Variants in GSE1 observed in about 807,000 individuals in gnomAD.
GSE1 encodes genetic suppressor element 1.
In GSE1, 32 loss-of-function variants were observed where a neutral mutation model predicts 112.6. The ratio of observed to expected loss-of-function variants is 0.28; its 90% CI spans 0.21 to 0.38. The LOEUF (loss-of-function observed/expected upper bound fraction) is 0.38, where lower values mean the gene tolerates loss of function less well. GSE1 is among the 10% of genes least tolerant of loss of function. The probability of loss-of-function intolerance (pLI) is 1.00; values close to 1 mark genes in which losing one functional copy is unlikely to be tolerated. For synonymous variants in GSE1, 1,115 were observed against 735.6 expected, an observed-to-expected ratio of 1.52 and a Z score of -8.35; for missense variants, 2,348 against 1,699.2, an observed-to-expected ratio of 1.38 and a Z score of -6.71.
chr16:85,423,867 C>T (rs1053402364), intron 2 of GSE1, among the ~76,000 whole-genome samples: 9 of 152,242 alleles, frequency 5.9e-5, no homozygotes, highest in Non-Finnish European at 1.2e-4. Context: ...GCCCCAGCCT[C>T]GTGGGACATC....
rs879400376 is a variant in GSE1 at position 85,655,131 on chromosome 16, C to T, written c.797+140C>T. ...CTAGAGTAGCCCCTGAAATCGTCCC[C>T]AGCTTTGAGCCTAAATTCAGCCCTG... On this transcript the variant is annotated intron_variant, in intron 5 of 15. Coordinates refer to ENST00000253458, the MANE Select transcript of GSE1 (RefSeq NM_014615.5). The T allele has an allele frequency of 2.9e-4, 190 of 658,106 alleles. 2 individuals carry two copies. In the Admixed American group the frequency reaches 4.2e-3, roughly 14 times the overall value. 40.8% of individuals were successfully genotyped at this position (658,106 alleles called of 1,614,324 possible). A position where few individuals can be genotyped will look rare whatever the true frequency, so the allele number is the denominator to read the frequency against.
chr16:85,288,875 T>A (rs1411318750), intron 1 of GSE1, among the ~76,000 whole-genome samples: 1 of 152,136 alleles, frequency 6.6e-6, no homozygotes, highest in Non-Finnish European at 1.5e-5. Flanking sequence ...TTCAGTCCCC[T>A]CTTTGCCAAC....
intron 2 of GSE1, among the ~76,000 whole-genome samples, chr16:85,402,291 G>C (rs920729923): frequency 6.6e-6 from 1 of 152,228 alleles, no homozygotes; most frequent in Non-Finnish European, 1.5e-5. Flanking sequence ...AACCCAAGAC[G>C]CTGAGAAGCT....
intron 2 of GSE1, among the ~76,000 whole-genome samples, chr16:85,502,591 C>T (rs2051406488): frequency 6.6e-6 from 1 of 152,240 alleles, no homozygotes; most frequent in Admixed American, 6.5e-5. Flanking sequence ...AGTTCTTGGT[C>T]TGTGTCTGCC....
intron 2 of GSE1, among the ~76,000 whole-genome samples, chr16:85,549,404 C>G (rs952453327): frequency 4.6e-5 from 7 of 152,154 alleles, no homozygotes; most frequent in Admixed American, 3.9e-4. Flanking sequence ...CTTGGAACTC[C>G]TGGGCTCAAG....
chr16:85,255,887 C>T (rs1043002919), intron 1 of GSE1, among the ~76,000 whole-genome samples: 5 of 151,082 alleles, frequency 3.3e-5, no homozygotes, highest in South Asian at 2.1e-4. Context: ...GGGGTCTCAC[C>T]GTGTTGTCCA....
chr16:85,274,459 G>A (rs938009159), intron 1 of GSE1, among the ~76,000 whole-genome samples: 1 of 150,808 alleles, frequency 6.6e-6, no homozygotes, highest in Non-Finnish European at 1.5e-5. Context: ...TCGAGCACTC[G>A]GCCAGATGGC....
chr16:85,495,379 C>A (rs997432839), intron 2 of GSE1, among the ~76,000 whole-genome samples: 1 of 151,772 alleles, frequency 6.6e-6, no homozygotes, highest in Non-Finnish European at 1.5e-5. Flanking sequence ...CGACAAAGGC[C>A]GATACTGTCT....
chr16:85,212,247 A>G (rs2075238674), intron 1 of GSE1, among the ~76,000 whole-genome samples: 1 of 152,094 alleles, frequency 6.6e-6, no homozygotes, highest in Non-Finnish European at 1.5e-5. Flanking sequence ...CTCTACTAAA[A>G]ATACAAAAAT....
At chr16:85,444,910 C>T (rs977016835) in intron 2 of GSE1, among the ~76,000 whole-genome samples, 1 of 152,220 alleles carries the variant, frequency 6.6e-6, no homozygotes, top group African/African-American at 2.4e-5. Context: ...CTTCCCGCGG[C>T]GCTGGCTGTG....
At chr16:85,629,175 A>T (rs2049329546) in intron 1 of GSE1, among the ~76,000 whole-genome samples, 1 of 152,208 alleles carries the variant, frequency 6.6e-6, no homozygotes, top group Admixed American at 6.5e-5. Flanking sequence ...CGCTTCCTGT[A>T]CACCCCACAG....
chr16:85,540,928 C>A (rs575342223), intron 2 of GSE1, among the ~76,000 whole-genome samples: 1 of 152,052 alleles, frequency 6.6e-6, no homozygotes. Flanking sequence ...GCCTTGGGTA[C>A]ATTCTTATCT....
chr16:85,417,398 G>C (rs569436135), intron 2 of GSE1, among the ~76,000 whole-genome samples: 1 of 101,416 alleles, frequency 9.9e-6, no homozygotes, highest in Non-Finnish European at 2.3e-5. Context: ...TGGAAGACCC[G>C]AGCTGGAAGA....
Position 85,655,793 on chromosome 16 carries a change from C to T in GSE1, c.865C>T (p.Leu289=). 1 of 1,609,736 alleles carries T rather than the reference C, an allele frequency of 6.2e-7. No homozygotes were observed. The highest frequency in any genetic ancestry group is 1.1e-5 in the South Asian group (1 of 91,026). The part of the protein sequence containing the change: ...PFYPIPTPGS[L]PPLHPSAMHL... ...CTACCCCATCCCCACCCCCGGCTCCCTGCCCCCACTGCACCCATCAGCGAT... is the reference window on the plus strand; with the variant it reads ...CTACCCCATCCCCACCCCCGGCTCCTTGCCCCCACTGCACCCATCAGCGAT... The change falls in exon 6 of 16, where the codon CTG becomes TTG. Residue 289 remains leucine, a synonymous_variant. Transcript: ENST00000253458.
At position 85,315,928 on chromosome 16, in the gene GSE1, GA is replaced by G. The variant is rs761557637; in HGVS notation, c.2284-41534del. ...CCAGAGCACGGTGAAGCCCTAGTGG[GA>G]GGGGGGGTGAAGGTGGGAGCAGGAC... On this transcript the variant is annotated intron_variant, in intron 1 of 2. Transcript: ENST00000637419. 1.5e-3 allele frequency among the ~76,000 whole-genome samples: 224 copies of G among 148,682 alleles called. 2 individuals carry two copies. The highest frequency in any genetic ancestry group is 4.9e-3 in the African/African-American group (193 of 39,322).
chr16:85,227,864 A>G (rs1398552185), intron 1 of GSE1, among the ~76,000 whole-genome samples: 1 of 152,236 alleles, frequency 6.6e-6, no homozygotes, highest in African/African-American at 2.4e-5. Context: ...ACAGCAGTGA[A>G]CAAGAGAGGG....
chr16:85,455,726 T>C (rs557760229), intron 2 of GSE1, among the ~76,000 whole-genome samples: 51 of 152,334 alleles, frequency 3.3e-4, no homozygotes, highest in East Asian at 2.1e-3. Flanking sequence ...ACTTCCCACA[T>C]TGGGGAGTTC....
chr16:85,263,798 C>G (rs554661937), intron 1 of GSE1, among the ~76,000 whole-genome samples: 2 of 152,184 alleles, frequency 1.3e-5, no homozygotes, highest in Non-Finnish European at 2.9e-5. Context: ...GTCTGGAACT[C>G]CTGAGCTCAG....
chr16:85,411,159 CCTCA>C (rs1205076200), intron 2 of GSE1, among the ~76,000 whole-genome samples: 2 of 98,092 alleles, frequency 2.0e-5, no homozygotes, highest in Non-Finnish European at 4.0e-5. Context: ...CCTGGATAAT[CCTCA>C]CTGTTACACT....
Sources: allele counts gnomAD v4.1 joint callset (sites outside exome capture counted in the v4.1 genomes callset), GRCh38; gene constraint gnomAD v4.1.1; transcripts MANE v1.5; gene names NCBI Gene and HGNC (gene_info 2026-07-23, HGNC 2026-07-21).